The following MTA2 variants were observed in gnomAD, a reference collection of about 807,000 sequenced individuals.
MTA2 encodes the protein metastasis-associated protein MTA2.
MTA2 carries 22 observed loss-of-function variants against 87.1 expected under a neutral mutation model. The ratio of observed to expected loss-of-function variants is 0.25; its 90% CI spans 0.18 to 0.36. The LOEUF is 0.36. Ranked by LOEUF, MTA2 falls within the 10% of genes least tolerant of loss-of-function variation. The probability of loss-of-function intolerance (pLI) is 1.00; values close to 1 mark genes in which losing one functional copy is unlikely to be tolerated. For missense variants in MTA2, 542 were observed against 853.2 expected (o/e 0.64, Z 4.54); for synonymous variants, 314 against 310.1 (o/e 1.01, Z -0.13).
At position 62,595,165 on chromosome 11, in the gene MTA2, G is replaced by T; in HGVS notation, c.1484-95C>A. ...TCTAATCTTAAAAAAATTATCTGTGGCCTACTATCCCTCCTGTTATTAGAC... is the reference window on the plus strand; with the variant it reads ...TCTAATCTTAAAAAAATTATCTGTGTCCTACTATCCCTCCTGTTATTAGAC... On this transcript the variant is annotated intron_variant, in intron 14 of 17. Transcript: ENST00000278823. The surrounding 1 kb of genome is among the most constrained non-coding windows in gnomAD (Gnocchi z 4.9). 1 of 1,540,010 alleles carries T rather than the reference G, an allele frequency of 6.5e-7. No individual in the cohort carries two copies. Among genetic ancestry groups the T allele is most frequent in the Non-Finnish European group, 8.9e-7 (1 of 1,120,718 alleles).
intron 15 of MTA2, 89 bp downstream of exon 15, chr11:62,594,892 T>C (rs1025211449): frequency 8.7e-5 from 106 of 1,211,520 alleles, no homozygotes; most frequent in Admixed American, 2.3e-4. Flanking sequence ...CTGAGGACAC[T>C]ATGAGGAAGA....
intron 5 of MTA2, 51 bp from the exon 6 acceptor site, chr11:62,598,192 C>T (rs1361788931): frequency 1.3e-5 from 20 of 1,589,742 alleles, no homozygotes; most frequent in Non-Finnish European, 1.4e-5. Flanking sequence ...ACATAGGCGG[C>T]GGGGAGGGAG....
intron 2 of MTA2, 104 bp downstream of exon 2, chr11:62,600,518 A>G: frequency 9.2e-7 from 1 of 1,089,566 alleles, no homozygotes; most frequent in Non-Finnish European, 1.3e-6. Context: ...TGAATGAACG[A>G]ATATGAATGG....
chr11:62,596,429 T>C (rs1942100005), intron 10 of MTA2, 29 bp downstream of exon 10: 1 of 1,613,472 alleles, frequency 6.2e-7, no homozygotes, highest in African/African-American at 1.3e-5. Flanking sequence ...AGGTAGCCTA[T>C]GGTCCACCCT....
chr11:62,601,361 C>G (rs1942194558), intron 1 of MTA2, 62 bp downstream of exon 1: 5 of 1,589,172 alleles, frequency 3.1e-6, no homozygotes, highest in Non-Finnish European at 4.3e-6. Context: ...GTGCCGAGCC[C>G]CTCAGGTCCC....
At position 62,601,739 on chromosome 11, in the gene MTA2, A is replaced by AC; in HGVS notation, c.-290dup. The AC allele has an allele frequency of 2.0e-6, 1 of 502,468 alleles. No homozygotes were observed. The highest frequency in any genetic ancestry group is 3.5e-5 in the East Asian group (1 of 28,394). 31.1% of individuals were successfully genotyped at this position (502,468 alleles called of 1,614,324 possible). A position where few individuals can be genotyped will look rare whatever the true frequency, so the allele number is the denominator to read the frequency against. The stretch of plus-strand genomic sequence containing the variant: ...GCCAGGCCAGAGCCAGGCTCCAGCT[A>AC]CCCCCGCCCCCGCGGAGTCCCACTA... On this transcript the variant is annotated 5_prime_UTR_variant, in exon 1 of 18. Transcript: ENST00000278823.
rs954071846 is a variant in MTA2 at position 62,593,601 on chromosome 11, T to C, written c.*274A>G. 3.3e-5 allele frequency: 13 copies of C among 392,930 alleles called. No homozygotes were observed. The highest frequency in any genetic ancestry group is 2.7e-4 in the African/African-American group (13 of 47,308). 24.3% of individuals were successfully genotyped at this position (392,930 alleles called of 1,614,324 possible). On this transcript the variant is annotated 3_prime_UTR_variant, in exon 18 of 18. Transcript: ENST00000278823. ...TTAAAAAACCCTCCCCCCAAAACTG[T>C]CCAAGACATCTGTGGGTCCTACCCC...
chr11:62,600,057 C>A (rs1942155909), intron 3 of MTA2, 109 bp downstream of exon 3: 4 of 1,019,634 alleles, frequency 3.9e-6, no homozygotes, highest in Non-Finnish European at 5.9e-6. Context: ...TTTCCCACCC[C>A]CAAACTCACA....
rs140752295 is a variant in MTA2 at position 62,595,339 on chromosome 11, T to G, written c.1408A>C (p.Arg470=). ...GCCCTCCTTGGCTGTAATAGGTCCCTGCACATGCGTCTGGCAAGACGGGTC... is the reference window on the plus strand; with the variant it reads ...GCCCTCCTTGGCTGTAATAGGTCCCGGCACATGCGTCTGGCAAGACGGGTC... ...KLTRLARRMC[R]DLLQPRRAAR... is the part of the protein sequence containing the mutation. Residue 470 remains arginine, a synonymous_variant, in exon 14 of 18, where the codon AGG becomes CGG. Coordinates refer to ENST00000278823, the MANE Select transcript of MTA2 (RefSeq NM_004739.4). This position sits in a 1 kb window ranked among gnomAD's most constrained non-coding sequence, Gnocchi z 4.9. 3.4e-4 allele frequency: 541 copies of G among 1,614,218 alleles called. No individual in the cohort carries two copies. In the African/African-American group the frequency reaches 6.1e-3, roughly 18 times the overall value.
intron 1 of MTA2, chr11:62,601,198 A>G (rs1176038364): frequency 1.8e-6 from 1 of 569,382 alleles, no homozygotes; most frequent in Non-Finnish European, 3.0e-6. Flanking sequence ...GCAGCCCCGA[A>G]AGTGCCGTCG....
intron 4 of MTA2, 41 bp downstream of exon 4, chr11:62,598,480 CG>C (rs759329950): frequency 1.6e-5 from 25 of 1,607,174 alleles, no homozygotes; most frequent in Non-Finnish European, 2.0e-5. Context: ...CCATCTTCTA[CG>C]TAAGTGCACG....
At chr11:62,594,822 C>T (rs1382142961) in intron 15 of MTA2, among the ~76,000 whole-genome samples, 159 bp downstream of exon 15, 1 of 152,076 alleles carries the variant, frequency 6.6e-6, no homozygotes, top group African/African-American at 2.4e-5. Context: ...TACAGTAATA[C>T]TGAATAGTTT....
At chr11:62,601,129 C>T (rs1028426940) in intron 1 of MTA2, 2 of 538,856 alleles carry the variant, frequency 3.7e-6, no homozygotes, top group Non-Finnish European at 6.5e-6. Flanking sequence ...CCTCCCTACC[C>T]TGTCAGCTCC....
intron 5 of MTA2, 62 bp downstream of exon 5, chr11:62,598,264 TC>T (rs2134325738): frequency 6.3e-7 from 1 of 1,580,938 alleles, no homozygotes; most frequent in South Asian, 1.1e-5. Flanking sequence ...TGTGCTCCTT[TC>T]CCCCTCTCTT....
Position 62,601,511 on chromosome 11 carries a change from G to T in MTA2, c.-61C>A. On this transcript the variant is annotated 5_prime_UTR_variant, in exon 1 of 18. Coordinates refer to ENST00000278823, the MANE Select transcript of MTA2 (RefSeq NM_004739.4). ...GGTCCGGGAGGCTCGCGGGGGCAGG[G>T]CTCGGCTCGAGGCAAAGCCCCGAAC... 1 of 1,569,024 alleles carries T rather than the reference G, an allele frequency of 6.4e-7. No individual in the cohort carries two copies. The highest frequency in any genetic ancestry group is 8.6e-7 in the Non-Finnish European group (1 of 1,159,982).
At position 62,596,817 on chromosome 11, in the gene MTA2, G is replaced by C. The variant is rs565306534; in HGVS notation, c.702C>G (p.Ala234=). The change falls in exon 9 of 18, where the codon GCC becomes GCG. Residue 234 remains alanine (A), a synonymous_variant. Transcript: ENST00000278823. ...AGCCGTTCCTTTGCAAGGTATCCAT[G>C]GCGTGAAACTATGGGGAAGATGGAG... ...AASRDITLFH[A]MDTLQRNGYD... is the part of the protein sequence containing the mutation. 1.0e-5 allele frequency: 16 copies of C among 1,600,018 alleles called. No homozygotes were observed. Among genetic ancestry groups the C allele is most frequent in the Admixed American group, 5.3e-5 (3 of 56,792 alleles).
chr11:62,596,842 G>A lies in MTA2; in HGVS notation c.694-17C>T. On this transcript the variant is annotated splice_polypyrimidine_tract_variant and intron_variant, in intron 8 of 17. Coordinates refer to ENST00000278823, the MANE Select transcript of MTA2 (RefSeq NM_004739.4). Reference sequence around the variant, plus strand: ...GGCGTGAAACTATGGGGAAGATGGAGAGCAACTGAGGACCTGAAACTTTTG... The same window carrying A: ...GGCGTGAAACTATGGGGAAGATGGAAAGCAACTGAGGACCTGAAACTTTTG... The A allele has an allele frequency of 6.3e-7, 1 of 1,583,532 alleles. No homozygotes were observed. The highest frequency in any genetic ancestry group is 1.2e-5 in the South Asian group (1 of 85,842).
intron 2 of MTA2, 113 bp from the exon 3 acceptor site, chr11:62,600,372 A>T: frequency 1.0e-6 from 1 of 968,246 alleles, no homozygotes; most frequent in Non-Finnish European, 1.6e-6. Context: ...GACCTAAATT[A>T]AAAAGCCCAA....
chr11:62,597,851 C>A, intron 6 of MTA2, 139 bp from the exon 7 acceptor site: 1 of 1,017,228 alleles, frequency 9.8e-7, no homozygotes. Flanking sequence ...CCAACTGTTC[C>A]CATTTTCCCT....
Sources: allele counts gnomAD v4.1 joint callset (sites outside exome capture counted in the v4.1 genomes callset), GRCh38; gene constraint gnomAD v4.1.1; non-coding constraint Gnocchi (gnomAD v3.1); transcripts MANE v1.5; gene names NCBI Gene and HGNC (gene_info 2026-07-23, HGNC 2026-07-21).